The following RGL1 variants were observed in gnomAD, a reference collection of about 807,000 sequenced individuals.
The protein encoded by RGL1 is ral guanine nucleotide dissociation stimulator-like 1.
In RGL1, 24 loss-of-function variants were observed where a neutral mutation model predicts 95.2. The observed-to-expected ratio is 0.25, with a 90% CI of 0.18 to 0.35. The LOEUF is 0.35. RGL1 is among the 10% of genes least tolerant of loss of function. The probability of loss-of-function intolerance (pLI) is 1.00; values close to 1 mark genes in which losing one functional copy is unlikely to be tolerated. For synonymous variants in RGL1, 329 were observed against 344.9 expected (o/e 0.95, Z 0.51); for missense variants, 715 against 936.3 (o/e 0.76, Z 3.08).
At chr1:183,837,416 A>G (rs1663740538) in intron 2 of RGL1, among the ~76,000 whole-genome samples, 1 of 151,646 alleles carries the variant, frequency 6.6e-6, no homozygotes, top group Non-Finnish European at 1.5e-5. Context: ...GACCTTGGAC[A>G]TTTGAGGCTC....
chr1:183,836,834 CT>C (rs1663696176), intron 2 of RGL1, among the ~76,000 whole-genome samples: 1 of 152,092 alleles, frequency 6.6e-6, no homozygotes, highest in African/African-American at 2.4e-5. Context: ...TCCACATAGA[CT>C]TTAAATATTT....
intron 1 of RGL1, among the ~76,000 whole-genome samples, chr1:183,651,479 A>G (rs2101999962): frequency 6.6e-6 from 1 of 152,276 alleles, no homozygotes; most frequent in South Asian, 2.1e-4. Context: ...CTTGATCTCT[A>G]GCCTGAAACC....
intron 2 of RGL1, among the ~76,000 whole-genome samples, chr1:183,837,573 C>G (rs545112785): frequency 3.4e-5 from 4 of 118,020 alleles, no homozygotes; most frequent in Non-Finnish European, 7.2e-5. Context: ...CTCTTAAATC[C>G]TTGAACTTCT....
chr1:183,714,599 C>T (rs373805846), intron 1 of RGL1, among the ~76,000 whole-genome samples: 22 of 152,200 alleles, frequency 1.4e-4, no homozygotes, highest in Admixed American at 8.5e-4. Flanking sequence ...AAACCAAAGC[C>T]CTGTGGAGCA....
intron 2 of RGL1, among the ~76,000 whole-genome samples, chr1:183,799,150 C>T (rs981803247): frequency 2.6e-5 from 4 of 152,146 alleles, no homozygotes; most frequent in Admixed American, 1.3e-4. Context: ...GATCTGCCTG[C>T]CTCGGCCTCC....
At chr1:183,816,570 T>C (rs1386733764) in intron 2 of RGL1, among the ~76,000 whole-genome samples, 1 of 152,236 alleles carries the variant, frequency 6.6e-6, no homozygotes, top group East Asian at 1.9e-4. Context: ...ATATCTGTTT[T>C]TACTCTGCCT....
intron 17 of RGL1, among the ~76,000 whole-genome samples, chr1:183,923,172 C>T (rs994863728): frequency 7.2e-5 from 11 of 152,174 alleles, no homozygotes; most frequent in African/African-American, 2.4e-4. Context: ...CCATTGCAGC[C>T]ACCTTAAGTA....
At chr1:183,651,019 A>G (rs181888312) in intron 1 of RGL1, among the ~76,000 whole-genome samples, 153 of 152,272 alleles carry the variant, frequency 1.0e-3, no homozygotes, top group African/African-American at 3.5e-3. Context: ...TTATGCATCA[A>G]GAATATTAAA....
chr1:183,856,575 T>C (rs1017490090), intron 3 of RGL1, among the ~76,000 whole-genome samples: 14 of 151,132 alleles, frequency 9.3e-5, no homozygotes, highest in African/African-American at 3.1e-4. Context: ...CCAGGAAGCA[T>C]GGCTGGAGCC....
chr1:183,880,951 C>A, intron 5 of RGL1, 151 bp downstream of exon 5: 1 of 694,016 alleles, frequency 1.4e-6, no homozygotes, highest in Non-Finnish European at 2.3e-6. Context: ...ATAAAATTCT[C>A]AAGATTACTG....
intron 17 of RGL1, among the ~76,000 whole-genome samples, chr1:183,922,647 A>T (rs1433097696): frequency 6.6e-6 from 1 of 151,924 alleles, no homozygotes; most frequent in Non-Finnish European, 1.5e-5. Flanking sequence ...CAGGAGGCAG[A>T]GGGTAGGGGA....
chr1:183,771,712 C>T (rs952613583), intron 2 of RGL1, among the ~76,000 whole-genome samples: 3 of 151,996 alleles, frequency 2.0e-5, no homozygotes, highest in African/African-American at 7.3e-5. Context: ...AGGACATGGT[C>T]CCTGGCTAGG....
intron 9 of RGL1, among the ~76,000 whole-genome samples, chr1:183,894,283 G>A (rs946337170): frequency 1.3e-5 from 2 of 152,186 alleles, no homozygotes; most frequent in African/African-American, 2.4e-5. Context: ...CTGGCTGAAG[G>A]CTTAGAAGTG....
At chr1:183,711,804 C>T (rs369156622) in intron 1 of RGL1, among the ~76,000 whole-genome samples, 2 of 151,270 alleles carry the variant, frequency 1.3e-5, no homozygotes, top group African/African-American at 2.4e-5. Context: ...TGGGGGCGGG[C>T]GGAGAAGAAG....
At chr1:183,792,702 T>C (rs1164153420) in intron 2 of RGL1, among the ~76,000 whole-genome samples, 1 of 152,024 alleles carries the variant, frequency 6.6e-6, no homozygotes, top group Admixed American at 6.6e-5. Context: ...AGCAACCCCA[T>C]TTATGATAGC....
At chr1:183,656,113 C>G (rs200203937) in intron 1 of RGL1, among the ~76,000 whole-genome samples, 1 of 144,972 alleles carries the variant, frequency 6.9e-6, no homozygotes, top group African/African-American at 2.5e-5. Context: ...CTTTTCTTTT[C>G]TTTTTTTTTT....
At chr1:183,695,337 A>T (rs1654191644) in intron 1 of RGL1, among the ~76,000 whole-genome samples, 2 of 152,238 alleles carry the variant, frequency 1.3e-5, no homozygotes, top group South Asian at 4.1e-4. Context: ...TAATTGGTCT[A>T]GTTAGTCCAG....
At chr1:183,722,228 C>CAA (rs759515944) in intron 1 of RGL1, among the ~76,000 whole-genome samples, 16 of 95,044 alleles carry the variant, frequency 1.7e-4, no homozygotes, top group African/African-American at 4.0e-4. Flanking sequence ...AGTCTGGGAC[C>CAA]AAAAAAAAAA....
intron 2 of RGL1, among the ~76,000 whole-genome samples, chr1:183,759,085 C>T (rs998337964): frequency 1.3e-5 from 2 of 152,078 alleles, no homozygotes; most frequent in African/African-American, 4.8e-5. Context: ...GTTTTGTGTT[C>T]CTTCTGAGCT....
Sources: allele counts gnomAD v4.1 joint callset (sites outside exome capture counted in the v4.1 genomes callset), GRCh38; gene constraint gnomAD v4.1.1; transcripts MANE v1.5; gene names NCBI Gene and HGNC (gene_info 2026-07-23, HGNC 2026-07-21).